AGPAT3: variants seen among roughly 807,000 people sequenced by gnomAD.
AGPAT3 encodes 1-acyl-sn-glycerol-3-phosphate acyltransferase gamma.
AGPAT3 carries 5 observed loss-of-function variants against 47.3 expected under a neutral mutation model. The ratio of observed to expected loss-of-function variants is 0.11; its 90% CI spans 0.06 to 0.22. AGPAT3 has a LOEUF of 0.22. Ranked by LOEUF, AGPAT3 falls within the 10% of genes least tolerant of loss-of-function variation. AGPAT3 has a pLI of 1.00. For synonymous variants in AGPAT3, 212 were observed against 208.3 expected, an observed-to-expected ratio of 1.02 and a Z score of -0.15; for missense variants, 315 against 493.0, an observed-to-expected ratio of 0.64 and a Z score of 3.42.
intron 2 of AGPAT3, among the ~76,000 whole-genome samples, chr21:43,923,870 G>T (rs1319245281): frequency 6.6e-6 from 1 of 152,188 alleles, no homozygotes; most frequent in Admixed American, 6.5e-5. Context: ...GAGGGAGCCT[G>T]GTCTCCAGCC....
chr21:43,918,168 G>A (rs568178713), intron 2 of AGPAT3, among the ~76,000 whole-genome samples: 1 of 143,120 alleles, frequency 7.0e-6, no homozygotes, highest in Admixed American at 7.1e-5. Flanking sequence ...TGGGAGTTGT[G>A]GGTGTTGTGG....
intron 2 of AGPAT3, among the ~76,000 whole-genome samples, chr21:43,923,439 T>A (rs2086955486): frequency 1.3e-5 from 2 of 152,200 alleles, no homozygotes; most frequent in Admixed American, 1.3e-4. Context: ...GATGCGTGGA[T>A]GTTTCCCCAC....
chr21:43,932,163 G>A lies in AGPAT3; in HGVS notation c.-48-27471G>A, dbSNP rs551918417. 2.6e-4 allele frequency among the ~76,000 whole-genome samples: 40 copies of A among 152,242 alleles called. No homozygotes were observed. The East Asian group carries it at 7.5e-3, about 29-fold the overall frequency. ...TTTCCCTGATTTTGAAACATGATACGTTATTGTTAACTGGTCGCCACGCAG... is the reference window on the plus strand; with the variant it reads ...TTTCCCTGATTTTGAAACATGATACATTATTGTTAACTGGTCGCCACGCAG... On this transcript the variant is annotated intron_variant, in intron 2 of 9. Transcript: ENST00000291572. This position sits in a 1 kb window ranked among gnomAD's most constrained non-coding sequence, Gnocchi z 5.2.
intron 2 of AGPAT3, among the ~76,000 whole-genome samples, chr21:43,923,875 C>T (rs1255733747): frequency 6.6e-6 from 1 of 152,174 alleles, no homozygotes; most frequent in Non-Finnish European, 1.5e-5. Flanking sequence ...AGCCTGGTCT[C>T]CAGCCCCTGT....
rs941485755 is a variant in AGPAT3 at position 43,932,649 on chromosome 21, G to T, written c.-48-26985G>T. 2.0e-5 allele frequency among the ~76,000 whole-genome samples: 3 copies of T among 149,124 alleles called. No individual in the cohort carries two copies. The highest frequency in any genetic ancestry group is 1.3e-4 in the Admixed American group (2 of 15,144). ...AGAAGTGGGATTGCCGGACCTTATGGTAGTTCCTTTTGTTTTCTTGAGACG... is the reference window on the plus strand; with the variant it reads ...AGAAGTGGGATTGCCGGACCTTATGTTAGTTCCTTTTGTTTTCTTGAGACG... On this transcript the variant is annotated intron_variant, in intron 2 of 9. Transcript: ENST00000291572. This position sits in a 1 kb window ranked among gnomAD's most constrained non-coding sequence, Gnocchi z 5.2.
At chr21:43,916,481 C>T (rs1282583069) in intron 2 of AGPAT3, 1 of 150,378 alleles carries the variant, frequency 6.6e-6, no homozygotes, top group African/African-American at 2.5e-5. Flanking sequence ...CGTTATATTC[C>T]TGATGTCTCA....
At chr21:43,897,553 C>T (rs1367007551) in intron 1 of AGPAT3, among the ~76,000 whole-genome samples, 4 of 142,490 alleles carry the variant, frequency 2.8e-5, no homozygotes, top group African/African-American at 5.7e-5. Context: ...CCAGAGGGGG[C>T]GGCCGGGCAG....
intron 2 of AGPAT3, among the ~76,000 whole-genome samples, chr21:43,958,860 G>T (rs2088637507): frequency 7.1e-6 from 1 of 140,628 alleles, no homozygotes; most frequent in Non-Finnish European, 1.5e-5. Context: ...GTGGTTTGCG[G>T]TGTGTGTGTG....
rs112514847 is a variant in AGPAT3, at chr21:43,918,727, C to T, written c.-49+14708C>T. Among the ~76,000 whole-genome samples the T allele has an allele frequency of 5.3e-3, 809 of 152,154 alleles. 28 individuals are homozygous for T. The East Asian group carries it at 0.067, about 13-fold the overall frequency. Reference sequence around the variant, plus strand: ...GAGTAGCTGGAATTACAGGCGTGCGCCACCACGCCCAGCTAATTTTTCTAT... The same window carrying T: ...GAGTAGCTGGAATTACAGGCGTGCGTCACCACGCCCAGCTAATTTTTCTAT... On this transcript the variant is annotated intron_variant, in intron 2 of 9. Transcript: ENST00000291572.
chr21:43,961,178 A>G (rs2146643163), intron 3 of AGPAT3, among the ~76,000 whole-genome samples: 1 of 151,780 alleles, frequency 6.6e-6, no homozygotes, highest in South Asian at 2.1e-4. Context: ...TCTCAGAAGG[A>G]TGCCCGAGAA....
At position 43,880,774 on chromosome 21, in the gene AGPAT3, G is replaced by C. The variant is rs914295016; in HGVS notation, c.-112+15429G>C. Among the ~76,000 whole-genome samples the C allele has an allele frequency of 6.6e-6, 1 of 152,212 alleles. No homozygotes were observed. Among genetic ancestry groups the C allele is most frequent in the African/African-American group, 2.4e-5 (1 of 41,458 alleles). Reference sequence around the variant, plus strand: ...TAGAGACAGGCGCTGGACGTCTCCTGCTCACTGGCATTAAGTGGGCAGGCG... The same window carrying C: ...TAGAGACAGGCGCTGGACGTCTCCTCCTCACTGGCATTAAGTGGGCAGGCG... On this transcript the variant is annotated intron_variant, in intron 1 of 9. Coordinates refer to ENST00000291572, the MANE Select transcript of AGPAT3 (RefSeq NM_020132.5). This position sits in a 1 kb window ranked among gnomAD's most constrained non-coding sequence, Gnocchi z 4.5.
intron 2 of AGPAT3, among the ~76,000 whole-genome samples, chr21:43,913,644 C>T (rs1173187117): frequency 6.6e-6 from 1 of 152,160 alleles, no homozygotes; most frequent in Non-Finnish European, 1.5e-5. Flanking sequence ...CTATTGTGGT[C>T]CTTAACTGGG....
intron 2 of AGPAT3, among the ~76,000 whole-genome samples, chr21:43,928,009 G>A (rs1046988897): frequency 2.6e-5 from 4 of 152,208 alleles, no homozygotes; most frequent in Admixed American, 6.5e-5. Flanking sequence ...CCTCTCCAAG[G>A]AGCTGGGCCT....
intron 1 of AGPAT3, chr21:43,866,609 C>G (rs529491573): frequency 8.5e-5 from 13 of 152,312 alleles, no homozygotes; most frequent in African/African-American, 3.1e-4. Flanking sequence ...CCTCCTCCCC[C>G]ACAGAGTTCG....
At position 43,970,213 on chromosome 21, in the gene AGPAT3, GGC is replaced by G. The variant is rs961081134; in HGVS notation, c.511-439_511-438del. On this transcript the variant is annotated intron_variant, in intron 5 of 9. Coordinates refer to ENST00000291572, the MANE Select transcript of AGPAT3 (RefSeq NM_020132.5). The surrounding 1 kb of genome is among the most constrained non-coding windows in gnomAD (Gnocchi z 5.8). Reference sequence around the variant, plus strand: ...AGTAGAGACGGGGTTTCACCATGTTGGCCAGGCTGGTCTTGAACTCCTGACCT... The same window carrying G: ...AGTAGAGACGGGGTTTCACCATGTTGCAGGCTGGTCTTGAACTCCTGACCT... Among the ~76,000 whole-genome samples the G allele has an allele frequency of 2.6e-5, 4 of 151,996 alleles. No homozygotes were observed. Among genetic ancestry groups the G allele is most frequent in the African/African-American group, 9.7e-5 (4 of 41,374 alleles).
At chr21:43,892,621 G>T (rs985591478) in intron 1 of AGPAT3, among the ~76,000 whole-genome samples, 1 of 152,188 alleles carries the variant, frequency 6.6e-6, no homozygotes, top group African/African-American at 2.4e-5. Flanking sequence ...AGGGCTCTAG[G>T]ATTTTCGGAA....
At chr21:43,962,748 G>A (rs1007613357) in intron 3 of AGPAT3, among the ~76,000 whole-genome samples, 1 of 152,226 alleles carries the variant, frequency 6.6e-6, no homozygotes, top group Non-Finnish European at 1.5e-5. Context: ...GGTTAACAGT[G>A]ACCCTTGGGT....
Position 43,955,695 on chromosome 21 carries a change from C to T in AGPAT3, c.-48-3939C>T, listed in dbSNP as rs1435203134. Among the ~76,000 whole-genome samples, 3 of 151,978 alleles carry T rather than the reference C, an allele frequency of 2.0e-5. No homozygotes were observed. Among genetic ancestry groups the T allele is most frequent in the Non-Finnish European group, 4.4e-5 (3 of 67,994 alleles). Reference sequence around the variant, plus strand: ...TCGAGTTGGGCGGATTACCTGAGGTCAGGAGATCGAGGCCAGCCTGGCCAA... The same window carrying T: ...TCGAGTTGGGCGGATTACCTGAGGTTAGGAGATCGAGGCCAGCCTGGCCAA... On this transcript the variant is annotated intron_variant, in intron 2 of 9. Coordinates refer to ENST00000291572, the MANE Select transcript of AGPAT3 (RefSeq NM_020132.5). This position sits in a 1 kb window ranked among gnomAD's most constrained non-coding sequence, Gnocchi z 4.1.
At chr21:43,967,863 C>A in intron 3 of AGPAT3, 83 bp from the exon 4 acceptor site, 1 of 1,402,146 alleles carries the variant, frequency 7.1e-7, no homozygotes, top group Non-Finnish European at 9.7e-7. Flanking sequence ...GACAAAAATA[C>A]TGTAGGTGTC....
Sources: allele counts gnomAD v4.1 joint callset (sites outside exome capture counted in the v4.1 genomes callset), GRCh38; gene constraint gnomAD v4.1.1; non-coding constraint Gnocchi (gnomAD v3.1); transcripts MANE v1.5; gene names NCBI Gene and HGNC (gene_info 2026-07-23, HGNC 2026-07-21).